Variants in MGAT5 observed in about 807,000 individuals in gnomAD.
MGAT5 encodes alpha-1,6-mannosylglycoprotein 6-beta-N-acetylglucosaminyltransferase A.
Under a neutral mutation model 94.3 loss-of-function variants are expected in MGAT5, and 30 were observed. That is an observed-to-expected ratio of 0.32 (90% CI 0.24 to 0.43). The LOEUF is 0.43. Ranked by LOEUF, MGAT5 falls within the 20% of genes least tolerant of loss-of-function variation. The pLI is 1.00. For synonymous variants in MGAT5, 310 were observed against 322.9 expected, an observed-to-expected ratio of 0.96 and a Z score of 0.43; for missense variants, 691 against 905.5, an observed-to-expected ratio of 0.76 and a Z score of 3.04.
intron 4 of MGAT5, among the ~76,000 whole-genome samples, chr2:134,334,734 C>T (rs1036331005): frequency 1.3e-5 from 2 of 152,026 alleles, no homozygotes; most frequent in Admixed American, 6.6e-5. Flanking sequence ...GGCTTTTTCT[C>T]TGCTGTTTTT....
At chr2:134,430,005 A>G (rs1328037075) in intron 14 of MGAT5, among the ~76,000 whole-genome samples, 2 of 152,220 alleles carry the variant, frequency 1.3e-5, no homozygotes, top group Non-Finnish European at 2.9e-5. Flanking sequence ...CATGCTTACC[A>G]GGGCCTCAGG....
intron 1 of MGAT5, among the ~76,000 whole-genome samples, chr2:134,230,933 A>G (rs1558999864): frequency 6.6e-6 from 1 of 152,242 alleles, no homozygotes; most frequent in Non-Finnish European, 1.5e-5. Flanking sequence ...TGATGCATCT[A>G]TTCAATGGAA....
At chr2:134,159,188 CGTGTGTGT>C (rs138643972) in intron 1 of MGAT5, among the ~76,000 whole-genome samples, 1,965 of 144,088 alleles carry the variant, frequency 0.014, 17 homozygotes, top group Non-Finnish European at 0.019. Context: ...GGTCTAAATT[CGTGTGTGT>C]GTGTGTGTGT....
intron 12 of MGAT5, among the ~76,000 whole-genome samples, chr2:134,421,036 G>A (rs994196638): frequency 6.6e-6 from 1 of 152,174 alleles, no homozygotes; most frequent in Non-Finnish European, 1.5e-5. Flanking sequence ...AAGGAGGAGC[G>A]AAGCCTGAGT....
chr2:134,420,629 A>G (rs555381806), intron 12 of MGAT5, among the ~76,000 whole-genome samples: 6 of 152,110 alleles, frequency 3.9e-5, no homozygotes, highest in Admixed American at 3.9e-4. Flanking sequence ...CCTGAGGAAA[A>G]GAGGAGAGCC....
chr2:134,246,985 G>A (rs1156364190), intron 1 of MGAT5, among the ~76,000 whole-genome samples: 1 of 152,220 alleles, frequency 6.6e-6, no homozygotes, highest in African/African-American at 2.4e-5. Context: ...CACAAAACCA[G>A]GAGTTTGGTA....
intron 1 of MGAT5, among the ~76,000 whole-genome samples, chr2:134,217,270 T>TGTGTGTGTGA: frequency 6.6e-6 from 1 of 151,242 alleles, no homozygotes; most frequent in Non-Finnish European, 1.5e-5. Flanking sequence ...TGTGTGTGTG[T>TGTGTGTGTGA]AAAATATACC....
At chr2:134,247,450 C>T (rs964150090) in intron 1 of MGAT5, among the ~76,000 whole-genome samples, 1 of 147,032 alleles carries the variant, frequency 6.8e-6, no homozygotes, top group African/African-American at 2.5e-5. Context: ...GAAGTTCAAA[C>T]TTCAGTGTAT....
intron 2 of MGAT5, among the ~76,000 whole-genome samples, chr2:134,288,136 G>A (rs1156296800): frequency 1.3e-5 from 2 of 152,206 alleles, no homozygotes; most frequent in Non-Finnish European, 2.9e-5. Context: ...GGTTTGGCAT[G>A]ATTTTGTCTC....
chr2:134,283,233 T>C (rs1684809288), intron 2 of MGAT5, among the ~76,000 whole-genome samples: 1 of 152,110 alleles, frequency 6.6e-6, no homozygotes, highest in Admixed American at 6.5e-5. Context: ...CTCAGTTCTC[T>C]CATCTGTACA....
chr2:134,439,279 T>C (rs1031268155), intron 14 of MGAT5, among the ~76,000 whole-genome samples: 13 of 152,186 alleles, frequency 8.5e-5, no homozygotes, highest in African/African-American at 3.1e-4. Context: ...GACTGTTAGG[T>C]ATTTTGCCCA....
At chr2:134,302,033 G>C (rs572607269) in intron 2 of MGAT5, among the ~76,000 whole-genome samples, 13 of 152,250 alleles carry the variant, frequency 8.5e-5, no homozygotes, top group Admixed American at 4.6e-4. Context: ...ATGTAAAGCC[G>C]GACTTTTTAT....
At chr2:134,326,052 CTTT>C (rs1553446977) in intron 4 of MGAT5, among the ~76,000 whole-genome samples, 2 of 135,888 alleles carry the variant, frequency 1.5e-5, no homozygotes, top group African/African-American at 5.4e-5. Context: ...CTCTCTCTCT[CTTT>C]TTTTTTTTTT....
chr2:134,359,716 G>A (rs1383188363), intron 9 of MGAT5, among the ~76,000 whole-genome samples: 1 of 152,166 alleles, frequency 6.6e-6, no homozygotes, highest in East Asian at 1.9e-4. Context: ...AAAAAGAAAG[G>A]TTGGCCTGAA....
In MGAT5 at chr2:134,331,787, G is replaced by C. The variant is rs1157508909; in HGVS notation, c.574-4430G>C. Among the ~76,000 whole-genome samples, 4 of 152,062 alleles carry C rather than the reference G, an allele frequency of 2.6e-5. No homozygotes were observed. The East Asian group carries it at 7.7e-4, about 29-fold the overall frequency. ...GGCTCTGAGAGCCAAGAGTAGAAGA[G>C]CTATTGAGAATGACTTGAAATAGAA... On this transcript the variant is annotated intron_variant, in intron 4 of 15. Coordinates refer to ENST00000281923, the MANE Select transcript of MGAT5 (RefSeq NM_002410.5).
At chr2:134,380,211 A>G (rs1573965521) in intron 10 of MGAT5, among the ~76,000 whole-genome samples, 1 of 152,234 alleles carries the variant, frequency 6.6e-6, no homozygotes, top group African/African-American at 2.4e-5. Context: ...CCTGAATTTC[A>G]TATGTTAAAC....
At chr2:134,300,155 G>C (rs879464486) in intron 2 of MGAT5, among the ~76,000 whole-genome samples, 2 of 152,120 alleles carry the variant, frequency 1.3e-5, no homozygotes, top group Admixed American at 6.5e-5. Context: ...GGGTTTATTA[G>C]CACTGCATGA....
chr2:134,299,100 A>G (rs920821288), intron 2 of MGAT5, among the ~76,000 whole-genome samples: 1 of 152,178 alleles, frequency 6.6e-6, no homozygotes, highest in African/African-American at 2.4e-5. Context: ...ATATCTTTCC[A>G]AGCGTCAATA....
At chr2:134,382,653 A>G (rs1294314877) in intron 10 of MGAT5, among the ~76,000 whole-genome samples, 1 of 152,166 alleles carries the variant, frequency 6.6e-6, no homozygotes, top group African/African-American at 2.4e-5. Flanking sequence ...AGGATTGAAC[A>G]CTACTGTGAA....
Sources: allele counts gnomAD v4.1 joint callset (sites outside exome capture counted in the v4.1 genomes callset), GRCh38; gene constraint gnomAD v4.1.1; transcripts MANE v1.5; gene names NCBI Gene and HGNC (gene_info 2026-07-23, HGNC 2026-07-21).